The following CCNH variants were observed in gnomAD, a reference collection of about 807,000 sequenced individuals.
CCNH encodes the protein cyclin-H.
CCNH carries 31 observed loss-of-function variants against 41.9 expected under a neutral mutation model. The observed-to-expected ratio is 0.74, with a 90% CI of 0.56 to 1.00. CCNH has a LOEUF of 1.00. Among genes scored for constraint, CCNH ranks in the 50% least tolerant of loss-of-function variants. The pLI is 0.00. For missense variants in CCNH, 362 were observed against 388.4 expected (o/e 0.93, Z 0.57); for synonymous variants, 138 against 136.1 (o/e 1.01, Z -0.10).
chr5:87,402,053 T>A (rs1451632596), intron 5 of CCNH, among the ~76,000 whole-genome samples: 1 of 152,204 alleles, frequency 6.6e-6, no homozygotes, highest in East Asian at 1.9e-4. Context: ...TTTATATCTT[T>A]TAATATAGAA....
intron 9 of CCNH, chr5:87,353,141 A>AT: frequency 6.3e-7 from 1 of 1,592,504 alleles, no homozygotes; most frequent in Non-Finnish European, 8.6e-7. Flanking sequence ...AATACTAGAA[A>AT]TTTTTATTTT....
At chr5:87,404,066 C>CA (rs1186812122) in intron 5 of CCNH, among the ~76,000 whole-genome samples, 1 of 152,178 alleles carries the variant, frequency 6.6e-6, no homozygotes, top group Non-Finnish European at 1.5e-5. Flanking sequence ...TATAAACCTA[C>CA]AATCCCTTAT....
At chr5:87,352,450 C>T (rs185171964) in intron 9 of CCNH, among the ~76,000 whole-genome samples, 3 of 151,620 alleles carry the variant, frequency 2.0e-5, no homozygotes, top group African/African-American at 4.8e-5. Context: ...TTTCCATATT[C>T]AGGACAATAG....
intron 9 of CCNH, among the ~76,000 whole-genome samples, chr5:87,323,435 CCCCTG>C (rs1420769932): frequency 6.6e-6 from 1 of 152,002 alleles, no homozygotes; most frequent in Non-Finnish European, 1.5e-5. Flanking sequence ...AATGCCTGTT[CCCCTG>C]CCCTGTGCTC....
chr5:87,374,143 ATATATTT>A, downstream of CCNH: 1 of 1,379,642 alleles, frequency 7.2e-7, no homozygotes, highest in Non-Finnish European at 9.5e-7. Context: ...ATATATATAT[ATATATTT>A]TTTTTTTTTT....
intron 1 of CCNH, among the ~76,000 whole-genome samples, chr5:87,411,959 G>A (rs1009608866): frequency 1.3e-5 from 2 of 152,126 alleles, no homozygotes; most frequent in African/African-American, 2.4e-5. Flanking sequence ...ACCAGTCCGA[G>A]AGCTGTAACA....
At chr5:87,388,083 T>C (rs1370454336), downstream of CCNH, among the ~76,000 whole-genome samples, 5 of 152,174 alleles carry the variant, frequency 3.3e-5, no homozygotes, top group Non-Finnish European at 5.9e-5. Context: ...AAATAACTTT[T>C]GTTTTACCTC....
At chr5:87,395,788 G>C (rs1762910044) in intron 7 of CCNH, among the ~76,000 whole-genome samples, 1 of 152,128 alleles carries the variant, frequency 6.6e-6, no homozygotes, top group South Asian at 2.1e-4. Flanking sequence ...AAGATCACTT[G>C]AGCCCAGAAG....
Position 87,401,717 on chromosome 5 carries a change from G to A in CCNH, c.745C>T (p.Leu249=). The A allele has an allele frequency of 6.3e-7, 1 of 1,588,846 alleles. No homozygotes were observed. Among genetic ancestry groups the A allele is most frequent in the Admixed American group, 1.8e-5 (1 of 56,636 alleles). The change falls in exon 6 of 9, where the codon CTA becomes TTA. Residue 249 remains leucine, a synonymous_variant. Coordinates refer to ENST00000256897, the MANE Select transcript of CCNH (RefSeq NM_001239.4). ...TTTTACTTACTTTTCATTATATCTA[G>A]TAACTGTGACAGGCAAGTTCTGTTC... ...KENRTCLSQL[L]DIMKSMRNLV...
chr5:87,314,728 A>T (rs1204266871), downstream of CCNH, among the ~76,000 whole-genome samples: 1 of 152,092 alleles, frequency 6.6e-6, no homozygotes, highest in African/African-American at 2.4e-5. Context: ...GGGACGAATG[A>T]TGATGGTCAT....
chr5:87,371,723 G>T (rs1187266251), downstream of CCNH, among the ~76,000 whole-genome samples: 1 of 152,032 alleles, frequency 6.6e-6, no homozygotes, highest in Non-Finnish European at 1.5e-5. Flanking sequence ...CTCTCACAAA[G>T]TGTATCAAGT....
chr5:87,328,539 T>C (rs1757397703), intron 9 of CCNH, among the ~76,000 whole-genome samples: 1 of 152,170 alleles, frequency 6.6e-6, no homozygotes. Flanking sequence ...ACTCCCAAAG[T>C]GTTCACTCTT....
intron 9 of CCNH, chr5:87,337,915 A>G (rs1758090523): frequency 6.0e-6 from 9 of 1,498,184 alleles, no homozygotes; most frequent in East Asian, 2.5e-5. Flanking sequence ...GTATATGACT[A>G]TTCTAATCTC....
At position 87,395,054 on chromosome 5, in the gene CCNH, T is replaced by C. The variant is rs1298299916; in HGVS notation, c.923A>G (p.Lys308Arg). 4 of 1,611,390 alleles carry C rather than the reference T, an allele frequency of 2.5e-6. No individual in the cohort carries two copies. The highest frequency in any genetic ancestry group is 1.1e-5 in the South Asian group (1 of 90,998). The change falls in exon 8 of 9, where the codon AAA (lysine) becomes AGA (arginine). Residue 308 changes from lysine to arginine, a missense_variant. Transcript: ENST00000256897. ...TGGAGTAAAACATACCTCCTCATGT[T>C]TGGATTTCTTTGAGACGTAATCATC... ...EDDDYVSKKS[K>R]HEEEEWTDDD...
In CCNH at chr5:87,367,907, T is replaced by C. The variant is rs1269193573; in HGVS notation, c.*90+24863A>G. 1.2e-4 allele frequency among the ~76,000 whole-genome samples: 18 copies of C among 152,278 alleles called. No homozygotes were observed. The South Asian group carries it at 3.3e-3, about 28-fold the overall frequency. ...AGAGGTAATGTATCTCACACAACTT[T>C]CTCTGGATGCTTTGAGATTTTTCCT... On this transcript the variant is annotated intron_variant and NMD_transcript_variant, in intron 9 of 9. Coordinates refer to the CCNH transcript ENST00000645953.
intron 9 of CCNH, among the ~76,000 whole-genome samples, chr5:87,338,522 TATATATATATAAAA>T (rs1349973123): frequency 1.9e-4 from 19 of 101,420 alleles, no homozygotes; most frequent in East Asian, 1.2e-3. Flanking sequence ...TATATATATA[TATATATATATAAAA>T]TTTTTTTTTT....
At chr5:87,332,491 T>C in intron 9 of CCNH, 1 of 1,600,166 alleles carries the variant, frequency 6.2e-7, no homozygotes, top group Non-Finnish European at 8.6e-7. Context: ...TACTGTATTT[T>C]TTCCTGTTCA....
upstream of CCNH, among the ~76,000 whole-genome samples, chr5:87,377,476 A>G (rs1761404876): frequency 6.6e-6 from 1 of 152,084 alleles, no homozygotes; most frequent in East Asian, 1.9e-4. Context: ...GACTACAGGC[A>G]TATGCCACCA....
downstream of CCNH, chr5:87,392,217 T>C: frequency 2.2e-6 from 1 of 455,680 alleles, no homozygotes; most frequent in South Asian, 1.6e-5. Flanking sequence ...AGGAAAGCCC[T>C]AGATTCCAAG....
Sources: allele counts gnomAD v4.1 joint callset (sites outside exome capture counted in the v4.1 genomes callset), GRCh38; gene constraint gnomAD v4.1.1; transcripts MANE v1.5; gene names NCBI Gene and HGNC (gene_info 2026-07-23, HGNC 2026-07-21).